ADGRB3: variants seen among roughly 807,000 people sequenced by gnomAD.
ADGRB3 encodes the protein adhesion G protein-coupled receptor B3.
In ADGRB3, 37 loss-of-function variants were observed where a neutral mutation model predicts 193.4. That is an observed-to-expected ratio of 0.19 (90% confidence interval 0.15 to 0.25). ADGRB3 has a LOEUF of 0.25. Among genes scored for constraint, ADGRB3 ranks in the 10% least tolerant of loss-of-function variants. ADGRB3 has a pLI of 1.00. For synonymous variants in ADGRB3, 690 were observed against 644.2 expected, an observed-to-expected ratio of 1.07 and a Z score of -1.08; for missense variants, 1,637 against 1,852.9, an observed-to-expected ratio of 0.88 and a Z score of 2.14.
chr6:69,045,116 G>A (rs1771200118), intron 13 of ADGRB3, among the ~76,000 whole-genome samples: 2 of 152,116 alleles, frequency 1.3e-5, no homozygotes, highest in Admixed American at 6.5e-5. Flanking sequence ...CCCTAAAGAT[G>A]TTAACAGCAT....
At chr6:69,084,236 A>G (rs1772483017) in intron 17 of ADGRB3, among the ~76,000 whole-genome samples, 1 of 152,170 alleles carries the variant, frequency 6.6e-6, no homozygotes, top group African/African-American at 2.4e-5. Context: ...GCTTGAGAAG[A>G]GGTAGATATA....
intron 10 of ADGRB3, among the ~76,000 whole-genome samples, chr6:68,989,549 A>C (rs900141269): frequency 6.6e-6 from 1 of 152,180 alleles, no homozygotes; most frequent in Non-Finnish European, 1.5e-5. Flanking sequence ...AAGAGGAAAC[A>C]GTCACTGAAT....
At chr6:69,168,702 T>G (rs935412186) in intron 17 of ADGRB3, among the ~76,000 whole-genome samples, 1 of 152,052 alleles carries the variant, frequency 6.6e-6, no homozygotes, top group Non-Finnish European at 1.5e-5. Context: ...CAAACTAAAA[T>G]TTCAATTTTT....
chr6:68,929,229 G>T (rs1294338881), intron 3 of ADGRB3, among the ~76,000 whole-genome samples: 1 of 152,146 alleles, frequency 6.6e-6, no homozygotes, highest in East Asian at 1.9e-4. Context: ...ATATTACATA[G>T]AAGCTATTCT....
rs1765027741 is a variant in ADGRB3 at position 68,689,056 on chromosome 6, A to G, written c.757+49624A>G. Among the ~76,000 whole-genome samples, 4 of 152,122 alleles carry G rather than the reference A, an allele frequency of 2.6e-5. 1 individual carries two copies. The South Asian group carries it at 6.2e-4, about 24-fold the overall frequency. On this transcript the variant is annotated intron_variant, in intron 3 of 31. Transcript: ENST00000370598. ...TAGAGGGTGACTTAACTCTGACCAT[A>G]CGTCTGTAAATAGCCGTTTAAGGAT...
intron 20 of ADGRB3, among the ~76,000 whole-genome samples, chr6:69,250,072 T>A (rs936293014): frequency 6.6e-5 from 10 of 152,204 alleles, no homozygotes. Context: ...GATAAGGGCC[T>A]GTGTAAGTGT....
intron 20 of ADGRB3, among the ~76,000 whole-genome samples, chr6:69,260,583 T>C (rs1022714078): frequency 3.9e-5 from 6 of 152,078 alleles, no homozygotes; most frequent in African/African-American, 1.4e-4. Flanking sequence ...TCAACACCAG[T>C]TTTCTTAAGA....
At chr6:69,303,274 T>C (rs901741209) in intron 20 of ADGRB3, among the ~76,000 whole-genome samples, 1 of 151,766 alleles carries the variant, frequency 6.6e-6, no homozygotes, top group South Asian at 2.1e-4. Flanking sequence ...AGGAACATTT[T>C]TAGAGAAATA....
chr6:69,044,039 T>C (rs1005219934), intron 13 of ADGRB3, among the ~76,000 whole-genome samples: 1 of 152,032 alleles, frequency 6.6e-6, no homozygotes, highest in African/African-American at 2.4e-5. Context: ...AGACTCCGTC[T>C]CAAAAAAACA....
intron 3 of ADGRB3, among the ~76,000 whole-genome samples, chr6:68,772,930 T>TAC (rs1766665387): frequency 2.2e-5 from 1 of 44,462 alleles, no homozygotes; most frequent in Non-Finnish European, 4.0e-5. Context: ...TATATATATA[T>TAC]ATACATACAC....
chr6:68,894,425 A>G (rs1766163837), intron 3 of ADGRB3, among the ~76,000 whole-genome samples: 1 of 151,958 alleles, frequency 6.6e-6, no homozygotes. Flanking sequence ...GTTACAAGGT[A>G]TATGTCAATT....
intron 20 of ADGRB3, among the ~76,000 whole-genome samples, chr6:69,268,900 T>C (rs1385395951): frequency 1.3e-5 from 2 of 152,132 alleles, no homozygotes; most frequent in Non-Finnish European, 2.9e-5. Flanking sequence ...GGTGAGCAGA[T>C]GATCAAGGAG....
At chr6:69,259,491 C>G (rs752372702) in intron 20 of ADGRB3, among the ~76,000 whole-genome samples, 2 of 151,888 alleles carry the variant, frequency 1.3e-5, no homozygotes, top group Admixed American at 6.6e-5. Flanking sequence ...GCCAGGAGAT[C>G]GAGACCATCC....
chr6:68,652,430 T>A (rs1768388178), intron 3 of ADGRB3, among the ~76,000 whole-genome samples: 1 of 152,066 alleles, frequency 6.6e-6, no homozygotes, highest in African/African-American at 2.4e-5. Context: ...CTGGAGCGAG[T>A]TTGTCCTGAG....
rs117647893 is a variant in ADGRB3, at chr6:69,336,921, A to G, written c.3189-1995A>G. On this transcript the variant is annotated intron_variant, in intron 24 of 31. Transcript: ENST00000370598. ...TTATTCTACTTCATGCACATCCAGT[A>G]ATAGAATGCCAAAGGTGTCCTACCA... is the stretch of plus-strand genomic sequence containing the variant. Among the ~76,000 whole-genome samples, 280 of 152,274 alleles carry G rather than the reference A, an allele frequency of 1.8e-3. 1 individual carries two copies. Among genetic ancestry groups the G allele is most frequent in the Non-Finnish European group, 3.2e-3 (216 of 67,978 alleles).
intron 13 of ADGRB3, among the ~76,000 whole-genome samples, chr6:69,035,493 A>C (rs1485382842): frequency 6.6e-6 from 1 of 152,142 alleles, no homozygotes; most frequent in African/African-American, 2.4e-5. Context: ...AGTATGACTG[A>C]AGAGTAATTG....
chr6:68,803,179 A>G (rs1314894111), intron 3 of ADGRB3, among the ~76,000 whole-genome samples: 1 of 151,996 alleles, frequency 6.6e-6, no homozygotes, highest in Admixed American at 6.6e-5. Context: ...TACTGGTTTG[A>G]TGACTTCTTC....
intron 3 of ADGRB3, among the ~76,000 whole-genome samples, chr6:68,875,407 A>G (rs1377836892): frequency 6.6e-6 from 1 of 151,600 alleles, no homozygotes; most frequent in Non-Finnish European, 1.5e-5. Flanking sequence ...AAAGTGAGCC[A>G]TTGCAGATAG....
At chr6:68,727,904 C>T (rs1038817147) in intron 3 of ADGRB3, among the ~76,000 whole-genome samples, 12 of 151,418 alleles carry the variant, frequency 7.9e-5, no homozygotes, top group Admixed American at 7.3e-4. Context: ...CTTTGGAGTC[C>T]AATTGAACTC....
Sources: gnomAD v4.1 joint callset for allele counts (sites outside exome capture counted in the v4.1 genomes callset) on GRCh38, gnomAD v4.1.1 for gene constraint, MANE v1.5 for transcripts, NCBI Gene and HGNC (gene_info 2026-07-23, HGNC 2026-07-21) for gene names.